LPAR1: variants seen among roughly 807,000 people sequenced by gnomAD.
The protein encoded by LPAR1 is lysophosphatidic acid receptor 1.
Under a neutral mutation model 23.8 loss-of-function variants are expected in LPAR1, and 5 were observed. That is an observed-to-expected ratio of 0.21 (90% CI 0.11 to 0.44). The LOEUF (loss-of-function observed/expected upper bound fraction) is 0.44, where lower values mean the gene tolerates loss of function less well. Ranked by LOEUF, LPAR1 falls within the 20% of genes least tolerant of loss-of-function variation. LPAR1 has a pLI of 0.99. For missense variants in LPAR1, 311 were observed against 482.8 expected (o/e 0.64, Z 3.33); for synonymous variants, 160 against 164.7 (o/e 0.97, Z 0.22).
At chr9:110,984,049 A>G (rs1266824772) in intron 2 of LPAR1, among the ~76,000 whole-genome samples, 1 of 151,992 alleles carries the variant, frequency 6.6e-6, no homozygotes, top group Non-Finnish European at 1.5e-5. Context: ...GCAATATGTA[A>G]TAGTCACATC....
At chr9:110,956,173 T>A in intron 4 of LPAR1, among the ~76,000 whole-genome samples, 1 of 123,744 alleles carries the variant, frequency 8.1e-6, no homozygotes, top group South Asian at 2.6e-4. Flanking sequence ...CACTCATAAG[T>A]GGGAGTTGAA....
intron 5 of LPAR1, among the ~76,000 whole-genome samples, chr9:110,901,869 TATA>T (rs1175819759): frequency 1.3e-5 from 2 of 152,234 alleles, no homozygotes; most frequent in Admixed American, 6.5e-5. Context: ...TCATTTTTTC[TATA>T]ATGAGTAGTC....
At chr9:111,005,151 C>CAAAAAAAAAAAAAAAA (rs71371700) in intron 2 of LPAR1, among the ~76,000 whole-genome samples, 1 of 74,292 alleles carries the variant, frequency 1.3e-5, no homozygotes, top group Non-Finnish European at 2.5e-5. Context: ...GACAAAGTCT[C>CAAAAAAAAAAAAAAAA]AAAAAAAAAA....
intron 2 of LPAR1, among the ~76,000 whole-genome samples, chr9:110,987,923 G>C (rs915403653): frequency 1.2e-4 from 18 of 151,172 alleles, no homozygotes; most frequent in African/African-American, 4.4e-4. Flanking sequence ...AGGAAACAAA[G>C]AAAAATGCAC....
At chr9:111,020,219 T>G (rs925394130) in intron 2 of LPAR1, among the ~76,000 whole-genome samples, 1 of 152,240 alleles carries the variant, frequency 6.6e-6, no homozygotes, top group African/African-American at 2.4e-5. Context: ...ATGTTAAATA[T>G]GTTTTATAAT....
At chr9:110,965,201 T>C (rs1430681730) in intron 4 of LPAR1, among the ~76,000 whole-genome samples, 3 of 152,032 alleles carry the variant, frequency 2.0e-5, no homozygotes, top group East Asian at 1.9e-4. Context: ...TGAATGAGAA[T>C]TGGAGGAACA....
chr9:110,933,182 C>G (rs547291663), intron 5 of LPAR1, among the ~76,000 whole-genome samples: 2 of 152,290 alleles, frequency 1.3e-5, no homozygotes, highest in Admixed American at 6.5e-5. Flanking sequence ...TAAAAATTTA[C>G]AGAGTATAAT....
intron 2 of LPAR1, among the ~76,000 whole-genome samples, chr9:111,003,902 T>C (rs1402200521): frequency 6.6e-6 from 1 of 152,136 alleles, no homozygotes; most frequent in Non-Finnish European, 1.5e-5. Flanking sequence ...AACTCAGAAA[T>C]AACTGAATTT....
At chr9:111,028,078 C>T (rs796206825) in intron 2 of LPAR1, among the ~76,000 whole-genome samples, 9 of 151,258 alleles carry the variant, frequency 6.0e-5, no homozygotes, top group South Asian at 2.1e-4. Context: ...TTAAATATTC[C>T]GTAAAAGCAA....
chr9:110,964,220 G>T (rs2096112387), intron 4 of LPAR1, among the ~76,000 whole-genome samples: 1 of 152,106 alleles, frequency 6.6e-6, no homozygotes, highest in Non-Finnish European at 1.5e-5. Flanking sequence ...AAGTGGAATT[G>T]CCTTTTTAAA....
At chr9:110,977,992 A>T (rs1360829815) in intron 2 of LPAR1, among the ~76,000 whole-genome samples, 1 of 152,152 alleles carries the variant, frequency 6.6e-6, no homozygotes, top group Non-Finnish European at 1.5e-5. Flanking sequence ...AAAGGAGAAA[A>T]ATCTAAATCC....
rs1285793168 is a variant in LPAR1 at position 110,912,740 on chromosome 9, AGT to A, written c.793+28679_793+28680del. The stretch of plus-strand genomic sequence containing the variant: ...TTACAGTTTTTTTCATGACGCAAAC[AGT>A]GTCCAAGGAGAAGGGCTAGAGATTC... On this transcript the variant is annotated intron_variant, in intron 5 of 5. Coordinates refer to ENST00000683809, the MANE Select transcript of LPAR1 (RefSeq NM_001351411.2). 5.9e-5 allele frequency among the ~76,000 whole-genome samples: 9 copies of A among 152,232 alleles called. No homozygotes were observed. The East Asian group carries it at 7.8e-4, about 13-fold the overall frequency.
chr9:110,874,854 G>A lies in LPAR1; in HGVS notation c.*567C>T, dbSNP rs928505394. 6.6e-6 allele frequency: 1 copy of A among 152,548 alleles called. No individual in the cohort carries two copies. The highest frequency in any genetic ancestry group is 6.5e-5 in the Admixed American group (1 of 15,270). The allele number at this position is 152,548 out of a possible 1,614,324, so 9.4% of individuals were successfully genotyped here. ...TTAATCTTTTTAAGTAAGGCATACT[G>A]CATACATACATTACATGCATGCTTT... is the stretch of plus-strand genomic sequence containing the variant. On this transcript the variant is annotated 3_prime_UTR_variant, in exon 6 of 6. Transcript: ENST00000683809.
intron 2 of LPAR1, among the ~76,000 whole-genome samples, chr9:110,980,948 T>C (rs1251961174): frequency 6.6e-6 from 1 of 152,068 alleles, no homozygotes; most frequent in African/African-American, 2.4e-5. Context: ...AAAGATAATA[T>C]AGAGGAACAA....
intron 5 of LPAR1, among the ~76,000 whole-genome samples, chr9:110,907,032 T>A (rs2091431972): frequency 6.6e-6 from 1 of 152,210 alleles, no homozygotes. Context: ...CTGGTATTAC[T>A]ACATGCAGCT....
At chr9:110,910,777 T>G (rs1227026187) in intron 5 of LPAR1, among the ~76,000 whole-genome samples, 2 of 152,150 alleles carry the variant, frequency 1.3e-5, no homozygotes, top group African/African-American at 4.8e-5. Context: ...GTTCAAGACT[T>G]CAGTGGAGGA....
intron 2 of LPAR1, among the ~76,000 whole-genome samples, chr9:110,992,649 G>C (rs1260132283): frequency 6.6e-6 from 1 of 152,004 alleles, no homozygotes; most frequent in Non-Finnish European, 1.5e-5. Flanking sequence ...AGACTACCCA[G>C]CAATAAAAAC....
Position 111,026,230 on chromosome 9 carries a change from A to G in LPAR1, c.-182+9892T>C, listed in dbSNP as rs570855590. Among the ~76,000 whole-genome samples the G allele has an allele frequency of 3.3e-5, 5 of 152,328 alleles. No homozygotes were observed. In the South Asian group the frequency reaches 1.0e-3, roughly 32 times the overall value. On this transcript the variant is annotated intron_variant, in intron 2 of 5. Transcript: ENST00000683809. Reference sequence around the variant, plus strand: ...AGCACTGGTTTGTAGTTCTCCTTGAAGACATCCTTCACATCCCTTGTAAGT... The same window carrying G: ...AGCACTGGTTTGTAGTTCTCCTTGAGGACATCCTTCACATCCCTTGTAAGT...
chr9:110,916,908 CTT>C (rs78208410), intron 5 of LPAR1, among the ~76,000 whole-genome samples: 8 of 135,914 alleles, frequency 5.9e-5, no homozygotes, highest in African/African-American at 7.9e-5. Flanking sequence ...AAAATAAAGT[CTT>C]TTTTTTTTTT....
Sources: allele counts gnomAD v4.1 joint callset (sites outside exome capture counted in the v4.1 genomes callset), GRCh38; gene constraint gnomAD v4.1.1; transcripts MANE v1.5; gene names NCBI Gene and HGNC (gene_info 2026-07-23, HGNC 2026-07-21).